The following BMPER variants were observed in gnomAD, a reference collection of about 807,000 sequenced individuals.
BMPER encodes the protein BMP-binding endothelial regulator protein.
A neutral mutation model predicts 87.3 loss-of-function variants in BMPER; 45 were observed. The observed-to-expected ratio is 0.52, with a 90% CI of 0.41 to 0.66. The LOEUF (loss-of-function observed/expected upper bound fraction) is 0.66, where lower values mean the gene tolerates loss of function less well. Ranked by LOEUF, BMPER falls within the 30% of genes least tolerant of loss-of-function variation. The pLI is 0.00. For missense variants in BMPER, 784 were observed against 867.5 expected (o/e 0.90, Z 1.21); for synonymous variants, 326 against 316.2 (o/e 1.03, Z -0.33).
intron 6 of BMPER, among the ~76,000 whole-genome samples, chr7:34,005,171 A>G (rs1786691208): frequency 6.6e-6 from 1 of 152,100 alleles, no homozygotes; most frequent in Non-Finnish European, 1.5e-5. Flanking sequence ...AAATAGTGAC[A>G]GTACCCTGGG....
intron 13 of BMPER, among the ~76,000 whole-genome samples, chr7:34,115,613 T>A (rs1790098694): frequency 6.6e-6 from 1 of 152,220 alleles, no homozygotes; most frequent in Non-Finnish European, 1.5e-5. Flanking sequence ...TGTGACTGGC[T>A]TCTTTTACTT....
chr7:33,933,952 A>G (rs1784541134), intron 2 of BMPER, among the ~76,000 whole-genome samples: 2 of 152,350 alleles, frequency 1.3e-5, no homozygotes, highest in Admixed American at 1.3e-4. Flanking sequence ...AAATGCACAT[A>G]AGATTCTTAG....
chr7:33,917,260 G>T (rs1178759716), intron 2 of BMPER, among the ~76,000 whole-genome samples: 1 of 152,156 alleles, frequency 6.6e-6, no homozygotes, highest in African/African-American at 2.4e-5. Flanking sequence ...CTGAAATCTT[G>T]ACACAAGCCT....
At chr7:34,009,646 G>T (rs556028787) in intron 6 of BMPER, among the ~76,000 whole-genome samples, 1 of 151,978 alleles carries the variant, frequency 6.6e-6, no homozygotes, top group Non-Finnish European at 1.5e-5. Context: ...TGAGAGAGAG[G>T]TGGCATTCTG....
intron 11 of BMPER, among the ~76,000 whole-genome samples, chr7:34,065,659 C>T (rs1370048744): frequency 6.6e-6 from 1 of 152,090 alleles, no homozygotes; most frequent in East Asian, 1.9e-4. Context: ...AATTCTCTAA[C>T]CCTGCAAAAA....
chr7:34,140,211 G>A (rs1790828069), intron 13 of BMPER, among the ~76,000 whole-genome samples: 1 of 152,202 alleles, frequency 6.6e-6, no homozygotes, highest in African/African-American at 2.4e-5. Context: ...CCATTGCCAT[G>A]TGGACTGGAG....
chr7:33,980,722 C>A (rs1313211365), intron 6 of BMPER, among the ~76,000 whole-genome samples: 1 of 152,174 alleles, frequency 6.6e-6, no homozygotes, highest in Admixed American at 6.5e-5. Context: ...GTCTGTAAAA[C>A]CAGCCAAATT....
intron 13 of BMPER, among the ~76,000 whole-genome samples, chr7:34,096,810 T>C (rs1444429311): frequency 6.6e-6 from 1 of 152,236 alleles, no homozygotes; most frequent in Non-Finnish European, 1.5e-5. Flanking sequence ...CAATTATTCA[T>C]GTCTAGGAGT....
intron 13 of BMPER, among the ~76,000 whole-genome samples, chr7:34,127,054 A>G (rs368597944): frequency 2.6e-5 from 4 of 152,344 alleles, no homozygotes; most frequent in African/African-American, 9.6e-5. Flanking sequence ...ACCTTAAAGG[A>G]GGAATCATCC....
At chr7:34,053,517 C>G (rs1248246508) in intron 8 of BMPER, among the ~76,000 whole-genome samples, 1 of 152,140 alleles carries the variant, frequency 6.6e-6, no homozygotes, top group Non-Finnish European at 1.5e-5. Context: ...CTACTGTTGA[C>G]TGAAAGCCTT....
intron 11 of BMPER, among the ~76,000 whole-genome samples, chr7:34,065,203 ACTCTCTCTCT>A (rs70997564): frequency 0.11 from 11,098 of 97,500 alleles, 591 homozygotes; most frequent in South Asian, 0.18. Context: ...ATACACACTC[ACTCTCTCTCT>A]CTCTCTCTCT....
Position 34,153,479 on chromosome 7 carries a change from A to G in BMPER, c.*206A>G, listed in dbSNP as rs903842614. ...GATTATTATATGTATATTTTTTGCT[A>G]TAAGACATGTATTGTTTCTAGGATC... On this transcript the variant is annotated 3_prime_UTR_variant, in exon 15 of 15. Transcript: ENST00000649409. 45 of 580,106 alleles carry G rather than the reference A, an allele frequency of 7.8e-5. No homozygotes were observed. Among genetic ancestry groups the G allele is most frequent in the Admixed American group, 3.1e-5 (1 of 32,146 alleles). 35.9% of individuals were successfully genotyped at this position (580,106 alleles called of 1,614,324 possible).
chr7:34,115,708 A>T (rs1790101158), intron 13 of BMPER, among the ~76,000 whole-genome samples: 1 of 152,208 alleles, frequency 6.6e-6, no homozygotes, highest in Non-Finnish European at 1.5e-5. Context: ...CATTGTATGG[A>T]TGTACCACAT....
At chr7:34,024,224 G>C (rs1407284120) in intron 6 of BMPER, among the ~76,000 whole-genome samples, 5 of 149,980 alleles carry the variant, frequency 3.3e-5, no homozygotes. Context: ...TGGGCATGGT[G>C]GCACGTGCCT....
In BMPER at chr7:34,084,400, G is replaced by A. The variant is rs541161133; in HGVS notation, c.1409-1356G>A. 2.6e-5 allele frequency among the ~76,000 whole-genome samples: 4 copies of A among 152,278 alleles called. No individual in the cohort carries two copies. In the East Asian group the frequency reaches 7.7e-4, roughly 29 times the overall value. On this transcript the variant is annotated intron_variant, in intron 12 of 14. Transcript: ENST00000649409. ...GTGGGTGCCAGTCTTTGGAGACAGA[G>A]AGTGAATTAGGAGAAGTCCCAGGGC...
intron 11 of BMPER, among the ~76,000 whole-genome samples, chr7:34,073,995 G>A (rs1257483216): frequency 6.6e-6 from 1 of 152,214 alleles, no homozygotes; most frequent in African/African-American, 2.4e-5. Flanking sequence ...GGCCTGGATG[G>A]TAGCACTGGC....
chr7:33,933,441 GTTT>G (rs3083764), intron 2 of BMPER, among the ~76,000 whole-genome samples: 2,389 of 128,380 alleles, frequency 0.019, 71 homozygotes, highest in African/African-American at 0.065. Flanking sequence ...CATTGGTTAG[GTTT>G]TTTTTTTTTT....
intron 6 of BMPER, among the ~76,000 whole-genome samples, chr7:33,991,131 A>C (rs1156464513): frequency 6.8e-6 from 1 of 147,146 alleles, no homozygotes; most frequent in African/African-American, 2.5e-5. Context: ...CTGGCCTCAT[A>C]AAATGAGTTA....
At chr7:34,133,305 G>A (rs569487218) in intron 13 of BMPER, among the ~76,000 whole-genome samples, 2 of 152,216 alleles carry the variant, frequency 1.3e-5, no homozygotes, top group South Asian at 4.2e-4. Flanking sequence ...TAATTAATCA[G>A]GTCTATGTAA....
Sources: allele counts gnomAD v4.1 joint callset (sites outside exome capture counted in the v4.1 genomes callset), GRCh38; gene constraint gnomAD v4.1.1; transcripts MANE v1.5; gene names NCBI Gene and HGNC (gene_info 2026-07-23, HGNC 2026-07-21).